EXOC7: variants seen among roughly 807,000 people sequenced by gnomAD.
EXOC7 encodes exocyst complex component 7, also known as exocyst complex component Exo70.
In EXOC7, 51 loss-of-function variants were observed where a neutral mutation model predicts 87.6. The ratio of observed to expected loss-of-function variants is 0.58; its 90% CI spans 0.46 to 0.73. The LOEUF (loss-of-function observed/expected upper bound fraction) is 0.73. Among genes scored for constraint, EXOC7 ranks in the 30% least tolerant of loss-of-function variants. The pLI, the probability that EXOC7 is intolerant of heterozygous loss-of-function variation, is 0.00. For missense variants in EXOC7, 744 were observed against 888.4 expected (o/e 0.84, Z 2.07); for synonymous variants, 327 against 357.1 (o/e 0.92, Z 0.95).
chr17:76,092,116 T>C (rs933663973), intron 6 of EXOC7, among the ~76,000 whole-genome samples: 6 of 151,710 alleles, frequency 4.0e-5, no homozygotes, highest in African/African-American at 1.5e-4. Context: ...GTTAACAAAA[T>C]GTATAGGGGC....
At chr17:76,084,214 A>C (rs1366375977) in intron 17 of EXOC7, 34 bp downstream of exon 17, 1 of 1,606,580 alleles carries the variant, frequency 6.2e-7, no homozygotes, top group Non-Finnish European at 8.5e-7. Context: ...CAACAGCAGC[A>C]GCAAGCAGTG....
chr17:76,081,667 C>G lies in EXOC7; in HGVS notation c.*1981G>C. On this transcript the variant is annotated 3_prime_UTR_variant, in exon 19 of 19. Transcript: ENST00000589210. ...TCCGGGCCATTGAGCGCATAGGCTA[C>G]AAGGTGACATTGCTGCTGAGTTACC... is the stretch of plus-strand genomic sequence containing the variant. 6.2e-7 allele frequency: 1 copy of G among 1,614,148 alleles called. No homozygotes were observed. The highest frequency in any genetic ancestry group is 1.1e-5 in the South Asian group (1 of 91,084).
intron 5 of EXOC7, among the ~76,000 whole-genome samples, 167 bp from the exon 6 acceptor site, chr17:76,094,748 C>CTT (rs35625794): frequency 7.0e-6 from 1 of 143,838 alleles, no homozygotes; most frequent in Admixed American, 6.9e-5. Flanking sequence ...CTTTCAAAGT[C>CTT]TTTTTTTTTT....
In EXOC7 at chr17:76,082,181, C is replaced by G; in HGVS notation, c.*1467G>C. 8.8e-7 allele frequency: 1 copy of G among 1,139,782 alleles called. No homozygotes were observed. Among genetic ancestry groups the G allele is most frequent in the South Asian group, 1.5e-5 (1 of 65,168 alleles). 70.6% of individuals were successfully genotyped at this position (1,139,782 alleles called of 1,614,324 possible). A position where few individuals can be genotyped will look rare whatever the true frequency, so the allele number is the denominator to read the frequency against. On this transcript the variant is annotated 3_prime_UTR_variant, in exon 19 of 19. Coordinates refer to ENST00000589210, the MANE Select transcript of EXOC7 (RefSeq NM_001013839.4). ...CTGGCTCTCCTGTCCCTGGTCTCCA[C>G]CATGTCCTCCTCCCTTAGAAGAAAC... is the stretch of plus-strand genomic sequence containing the variant.
intron 5 of EXOC7, among the ~76,000 whole-genome samples, chr17:76,097,068 G>C (rs1027147536): frequency 6.6e-6 from 1 of 151,896 alleles, no homozygotes; most frequent in East Asian, 1.9e-4. Flanking sequence ...GCCAGGTCTC[G>C]AACTCCTGAG....
rs1259632554 is a variant in EXOC7, at chr17:76,090,443, G to A, written c.901+700C>T. ...CAAACACAAGCAGCGTTTATCCAGGGGCCAGGCAGGCCGCCCCTTGGGGTA... is the reference window on the plus strand; with the variant it reads ...CAAACACAAGCAGCGTTTATCCAGGAGCCAGGCAGGCCGCCCCTTGGGGTA... On this transcript the variant is annotated intron_variant, in intron 7 of 18. Coordinates refer to ENST00000589210, the MANE Select transcript of EXOC7 (RefSeq NM_001013839.4). The A allele has an allele frequency of 1.9e-6, 3 of 1,551,590 alleles. No individual in the cohort carries two copies. In the Admixed American group the frequency reaches 5.9e-5, roughly 30 times the overall value.
At chr17:76,092,986 G>C (rs1484039089) in intron 6 of EXOC7, 1 of 152,416 alleles carries the variant, frequency 6.6e-6, no homozygotes. Context: ...TCTGGCCCAA[G>C]GATGGATGTG....
rs550432682 is a variant in EXOC7, at chr17:76,085,070, T to G, written c.1712+244A>C. On this transcript the variant is annotated intron_variant, in intron 15 of 18. Coordinates refer to ENST00000589210, the MANE Select transcript of EXOC7 (RefSeq NM_001013839.4). ...CTCTGAGAGCCAGCTCTTCAATCAT[T>G]CTTAGCCTTGACACTTGGCAGACTC... The G allele has an allele frequency of 8.5e-4, 471 of 555,050 alleles. 1 individual carries two copies. Among genetic ancestry groups the G allele is most frequent in the African/African-American group, 8.1e-3 (429 of 53,124 alleles). 34.4% of individuals were successfully genotyped at this position (555,050 alleles called of 1,614,324 possible).
rs749433654 is a variant in EXOC7, at chr17:76,082,536, T to C, written c.*1112A>G. 11 of 1,613,726 alleles carry C rather than the reference T, an allele frequency of 6.8e-6. No individual in the cohort carries two copies. The highest frequency in any genetic ancestry group is 6.7e-5 in the African/African-American group (5 of 74,910). ...CTGACCGCATCTTCTTCCTCGTGTA[T>C]GTGGTTGGGGTGCTGTGCACCCAAT... On this transcript the variant is annotated 3_prime_UTR_variant, in exon 19 of 19. Coordinates refer to ENST00000589210, the MANE Select transcript of EXOC7 (RefSeq NM_001013839.4).
chr17:76,101,776 G>A lies in EXOC7; in HGVS notation c.214C>T (p.Arg72Trp), dbSNP rs1240988133. The A allele has an allele frequency of 6.8e-6, 11 of 1,613,894 alleles. No individual in the cohort carries two copies. The highest frequency in any genetic ancestry group is 3.3e-5 in the Admixed American group (2 of 59,984). ...PVHKQTENLQ[R>W]LQENVEKTLS... ...GTCTTCTCAACATTCTCCTGCAGCCGCTGCAGATTCTCCGTCTGCTTGTGC... is the reference window on the plus strand; with the variant it reads ...GTCTTCTCAACATTCTCCTGCAGCCACTGCAGATTCTCCGTCTGCTTGTGC... Residue 72 changes from arginine (R) to tryptophan (W), a missense_variant, in exon 3 of 19, where the codon CGG becomes TGG. Arg to Trp is a moderately radical substitution (Grantham distance 101). Transcript: ENST00000589210.
rs770685228 is a variant in EXOC7 at position 76,091,242 on chromosome 17, C to T, written c.809-7G>A. On this transcript the variant is annotated splice_polypyrimidine_tract_variant and splice_region_variant and intron_variant, in intron 6 of 18. Coordinates refer to ENST00000589210, the MANE Select transcript of EXOC7 (RefSeq NM_001013839.4). ...TGAGCCTTACGGATCGTCCCTGTCA[C>T]CAGAGCCACACAGAGAGGAGATAAG... is the stretch of plus-strand genomic sequence containing the variant. The T allele has an allele frequency of 6.2e-7, 1 of 1,613,194 alleles. No homozygotes were observed. The highest frequency in any genetic ancestry group is 8.5e-7 in the Non-Finnish European group (1 of 1,179,214).
chr17:76,096,484 C>T lies in EXOC7; in HGVS notation c.640+1312G>A, dbSNP rs113293821. Among the ~76,000 whole-genome samples, 154 of 128,588 alleles carry T rather than the reference C, an allele frequency of 1.2e-3. 2 individuals carry two copies. Among genetic ancestry groups the T allele is most frequent in the African/African-American group, 4.4e-3 (153 of 34,742 alleles). The allele number at this position is 128,588 out of a possible 152,430, so 84.4% of individuals were successfully genotyped here. On this transcript the variant is annotated intron_variant, in intron 5 of 18. Transcript: ENST00000589210. ...CCAATATCATGCCACTGCACTCCAGCGTGGGTGACAGAGCGAGACTCTGTC... is the reference window on the plus strand; with the variant it reads ...CCAATATCATGCCACTGCACTCCAGTGTGGGTGACAGAGCGAGACTCTGTC...
chr17:76,085,964 G>A lies in EXOC7; in HGVS notation c.1495+116C>T. On this transcript the variant is annotated intron_variant, in intron 13 of 18. Transcript: ENST00000589210. ...CTAGAGGTCAGGTTGTGGTTCCAAA[G>A]ATCAGATGGCACTTAGGAGAGGGCC... is the stretch of plus-strand genomic sequence containing the variant. 7 of 1,513,474 alleles carry A rather than the reference G, an allele frequency of 4.6e-6. No individual in the cohort carries two copies. In the South Asian group the frequency reaches 8.3e-5, roughly 18 times the overall value. 93.8% of individuals were successfully genotyped at this position (1,513,474 alleles called of 1,614,324 possible).
intron 7 of EXOC7, 153 bp downstream of exon 7, chr17:76,090,990 C>T (rs987112997): frequency 1.3e-5 from 9 of 702,706 alleles, no homozygotes; most frequent in Admixed American, 4.4e-5. Flanking sequence ...TCCCTGTGCC[C>T]GCTGAAGCCC....
chr17:76,089,623 A>G, intron 7 of EXOC7: 1 of 446,274 alleles, frequency 2.2e-6, no homozygotes, highest in Non-Finnish European at 4.2e-6. Flanking sequence ...TTCCTGAATC[A>G]GCGTCCTGGA....
In EXOC7 at chr17:76,081,887, T is replaced by C; in HGVS notation, c.*1761A>G. ...CTGTGCCCTGCCTCCCCCAGTTTAC[T>C]ACTTCACCATCCTGCTGCTGCTGCT... is the stretch of plus-strand genomic sequence containing the variant. On this transcript the variant is annotated 3_prime_UTR_variant, in exon 19 of 19. Transcript: ENST00000589210. 1 of 1,609,870 alleles carries C rather than the reference T, an allele frequency of 6.2e-7. No homozygotes were observed. Among genetic ancestry groups the C allele is most frequent in the Non-Finnish European group, 8.5e-7 (1 of 1,177,304 alleles).
At chr17:76,087,393 C>T (rs997585098) in intron 12 of EXOC7, 3 of 539,758 alleles carry the variant, frequency 5.6e-6, no homozygotes, top group Non-Finnish European at 6.6e-6. Flanking sequence ...CCAACCAGCA[C>T]CGCTCCCAGA....
At chr17:76,089,699 G>A (rs2067387825) in intron 7 of EXOC7, 1 of 245,250 alleles carries the variant, frequency 4.1e-6, no homozygotes, top group Non-Finnish European at 8.1e-6. Flanking sequence ...CCCAGGGTGG[G>A]CAGGTGGCTG....
chr17:76,091,322 G>A, intron 6 of EXOC7, 87 bp from the exon 7 acceptor site: 1 of 1,091,656 alleles, frequency 9.2e-7, no homozygotes, highest in Non-Finnish European at 1.4e-6. Flanking sequence ...CTGCCCCCCA[G>A]GCCCCGCACC....
Sources: gnomAD v4.1 joint callset for allele counts (sites outside exome capture counted in the v4.1 genomes callset) on GRCh38, gnomAD v4.1.1 for gene constraint, MANE v1.5 for transcripts, NCBI Gene and HGNC (gene_info 2026-07-23, HGNC 2026-07-21) for gene names.